Variants in HMCN1 observed in about 807,000 individuals in gnomAD.
HMCN1 encodes the protein hemicentin-1.
A neutral mutation model predicts 625.9 loss-of-function variants in HMCN1; 321 were observed. The ratio of observed to expected loss-of-function variants is 0.51; its 90% confidence interval spans 0.47 to 0.56. The LOEUF is 0.56. HMCN1 is among the 20% of genes least tolerant of loss of function. The pLI is 0.00. For synonymous variants in HMCN1, 2,425 were observed against 2,417.6 expected, an observed-to-expected ratio of 1.00 and a Z score of -0.09; for missense variants, 6,588 against 6,887.3, an observed-to-expected ratio of 0.96 and a Z score of 1.54.
chr1:185,955,651 G>A (rs1267379216), intron 11 of HMCN1, among the ~76,000 whole-genome samples: 2 of 152,102 alleles, frequency 1.3e-5, no homozygotes, highest in East Asian at 3.8e-4. Flanking sequence ...GGTATCTATG[G>A]GTTTTGAATT....
At chr1:185,835,139 C>T (rs535840391) in intron 1 of HMCN1, among the ~76,000 whole-genome samples, 3 of 152,194 alleles carry the variant, frequency 2.0e-5, no homozygotes, top group South Asian at 2.1e-4. Context: ...ACAATCTCTG[C>T]CTTTTAGAAT....
chr1:185,803,219 A>AC (rs1428185087), intron 1 of HMCN1, among the ~76,000 whole-genome samples: 1 of 146,432 alleles, frequency 6.8e-6, no homozygotes, highest in Non-Finnish European at 1.5e-5. Flanking sequence ...AAAAAAAAAA[A>AC]AAAACAAAAC....
At chr1:186,182,313 G>T (rs772595489) in intron 105 of HMCN1, 26 bp downstream of exon 105, 3 of 1,612,488 alleles carry the variant, frequency 1.9e-6, no homozygotes, top group Non-Finnish European at 2.5e-6. Context: ...GATGTTTATT[G>T]TTGCAAACTT....
At chr1:185,807,531 A>C (rs1205617876) in intron 1 of HMCN1, among the ~76,000 whole-genome samples, 2 of 152,248 alleles carry the variant, frequency 1.3e-5, no homozygotes, top group Non-Finnish European at 1.5e-5. Context: ...ACATATTAGC[A>C]TACACATATA....
chr1:186,138,474 A>G (rs938252119), intron 89 of HMCN1, among the ~76,000 whole-genome samples: 4 of 152,228 alleles, frequency 2.6e-5, no homozygotes, highest in Admixed American at 1.3e-4. Flanking sequence ...ACTCTTTCCA[A>G]TTAAAGTGAC....
In HMCN1 at chr1:186,103,489, G is replaced by T. The variant is rs764623103; in HGVS notation, c.10591G>T (p.Gly3531Ter). 1 of 1,612,876 alleles carries T rather than the reference G, an allele frequency of 6.2e-7. No homozygotes were observed. ...TTAAATAGAACCACCTCACATTAAT[G>T]GATCTGAAGAACATGAAGAGATATC... ...LKVLEPPHIN[G>*]SEEHEEISVI... is the part of the protein sequence containing the mutation. Residue 3531 changes from glycine to a stop codon, truncating the protein, a stop_gained, in exon 69 of 107, where the codon GGA becomes TGA. Transcript: ENST00000271588. LOFTEE classifies it high-confidence loss of function.
intron 18 of HMCN1, 21 bp from the exon 19 acceptor site, chr1:185,984,148 T>C (rs752464918): frequency 6.2e-7 from 1 of 1,604,854 alleles, no homozygotes; most frequent in South Asian, 1.1e-5. Context: ...AAATAAAAAT[T>C]ACCTTTTTTT....
chr1:185,880,809 T>C (rs966825906), intron 4 of HMCN1, among the ~76,000 whole-genome samples: 3 of 152,264 alleles, frequency 2.0e-5, no homozygotes, highest in Non-Finnish European at 4.4e-5. Context: ...TCTACTGCTA[T>C]GTGTTAGTTA....
At chr1:185,788,221 A>G (rs895342627) in intron 1 of HMCN1, among the ~76,000 whole-genome samples, 2 of 152,252 alleles carry the variant, frequency 1.3e-5, no homozygotes, top group African/African-American at 2.4e-5. Flanking sequence ...AACCGACACA[A>G]AGAGGACATA....
intron 1 of HMCN1, among the ~76,000 whole-genome samples, chr1:185,831,477 T>C (rs2102290065): frequency 6.6e-6 from 1 of 152,286 alleles, no homozygotes; most frequent in East Asian, 1.9e-4. Context: ...TTGATAATTT[T>C]AGGAACAAAA....
intron 36 of HMCN1, among the ~76,000 whole-genome samples, chr1:186,024,281 G>A (rs1003281765): frequency 6.6e-6 from 1 of 152,140 alleles, no homozygotes; most frequent in Non-Finnish European, 1.5e-5. Context: ...ACTGTAAGGT[G>A]CCTTGCATTT....
At chr1:185,826,904 T>C (rs994106903) in intron 1 of HMCN1, among the ~76,000 whole-genome samples, 2 of 152,058 alleles carry the variant, frequency 1.3e-5, no homozygotes, top group African/African-American at 4.8e-5. Flanking sequence ...CAAAAAGGAT[T>C]AGCCTAAGAT....
Position 186,119,952 on chromosome 1 carries a change from T to C in HMCN1, c.12095-59T>C, listed in dbSNP as rs115070032. ...TGTTTTATAATTCGAATCAGCATGA[T>C]TGTTTTTAATGAACAGGCTTTTTTT... On this transcript the variant is annotated intron_variant, in intron 79 of 106. Coordinates refer to ENST00000271588, the MANE Select transcript of HMCN1 (RefSeq NM_031935.3). 2.1e-3 allele frequency: 3,460 copies of C among 1,613,986 alleles called. 64 individuals are homozygous for C. The African/African-American group carries it at 0.042, about 20-fold the overall frequency.
intron 11 of HMCN1, among the ~76,000 whole-genome samples, chr1:185,937,339 G>A (rs1667860027): frequency 6.6e-6 from 1 of 152,160 alleles, no homozygotes; most frequent in African/African-American, 2.4e-5. Context: ...ATCTAGTGAA[G>A]GCCTTCCACT....
At chr1:185,927,305 C>G (rs1196299179) in intron 9 of HMCN1, among the ~76,000 whole-genome samples, 1 of 152,130 alleles carries the variant, frequency 6.6e-6, no homozygotes, top group African/African-American at 2.4e-5. Flanking sequence ...TAGTATACTC[C>G]TGTTAAGCAT....
Position 186,125,646 on chromosome 1 carries a change from A to T in HMCN1, c.12542A>T (p.Asn4181Ile). The change falls in exon 82 of 107, where the codon AAT becomes ATT. Residue 4181 changes from asparagine (N) to isoleucine (I), a missense_variant. Transcript: ENST00000271588. ...IRSTEGHYTVNENSQAILPCV... is the reference protein window; with the variant it reads ...IRSTEGHYTVIENSQAILPCV... ...AGTACAGAAGGACACTACACGGTCAATGAGAATTCACAAGCCATTCTTCCA... is the reference window on the plus strand; with the variant it reads ...AGTACAGAAGGACACTACACGGTCATTGAGAATTCACAAGCCATTCTTCCA... 6.2e-7 allele frequency: 1 copy of T among 1,613,410 alleles called. No individual in the cohort carries two copies. The highest frequency in any genetic ancestry group is 1.1e-5 in the South Asian group (1 of 91,082).
Position 185,925,139 on chromosome 1 carries a change from A to G in HMCN1, c.1378A>G (p.Thr460Ala), listed in dbSNP as rs1295872725. 1 of 1,613,914 alleles carries G rather than the reference A, an allele frequency of 6.2e-7. No individual in the cohort carries two copies. The change falls in exon 9 of 107, where the codon ACC becomes GCC. Residue 460 changes from threonine (T) to alanine (A), a missense_variant. This residue lies in a region of HMCN1 where 4,628 missense variants were observed against 4,853.1 expected (regional missense o/e 0.95). Transcript: ENST00000271588. ...PCSVDSLLPF[T>A]LSFVRNGVTL... ...CTCTGTTGACAGTCTTTTGCCCTTT[A>G]CCTTGAGCTTTGTCAGAAATGGAGT...
intron 1 of HMCN1, among the ~76,000 whole-genome samples, chr1:185,832,165 G>A (rs774943894): frequency 5.3e-4 from 81 of 152,100 alleles, no homozygotes; most frequent in Non-Finnish European, 8.7e-4. Context: ...GCGTGGTGGC[G>A]CATGCTTGTA....
intron 4 of HMCN1, among the ~76,000 whole-genome samples, chr1:185,885,836 C>T (rs1664610110): frequency 6.6e-6 from 1 of 151,936 alleles, no homozygotes; most frequent in Non-Finnish European, 1.5e-5. Context: ...AAAATTGATT[C>T]CAATTGTCTT....
Sources: gnomAD v4.1 joint callset for allele counts (sites outside exome capture counted in the v4.1 genomes callset) on GRCh38, gnomAD v4.1.1 for gene constraint, gnomAD v4.1.1 regional missense constraint, MANE v1.5 for transcripts, NCBI Gene and HGNC (gene_info 2026-07-23, HGNC 2026-07-21) for gene names.